Variants in MINDY4B observed in about 807,000 individuals in gnomAD.
MINDY4B encodes MINDY family member 4B.
A neutral mutation model predicts 16.7 loss-of-function variants in MINDY4B; 25 were observed. That is an observed-to-expected ratio of 1.49 (90% confidence interval 1.09 to 2.09). The LOEUF is 2.09. Among genes scored for constraint, MINDY4B ranks in the 30% most tolerant of loss-of-function variants. The probability of loss-of-function intolerance (pLI) is 0.00; values close to 1 mark genes in which losing one functional copy is unlikely to be tolerated. For synonymous variants in MINDY4B, 132 were observed against 61.9 expected (o/e 2.13, Z -5.32); for missense variants, 327 against 168.4 (o/e 1.94, Z -5.21).
chr3:150,882,395 T>C (rs974079726), intron 10 of MINDY4B, among the ~76,000 whole-genome samples: 1 of 152,126 alleles, frequency 6.6e-6, no homozygotes, highest in Non-Finnish European at 1.5e-5. Flanking sequence ...GCCCCCTTTT[T>C]TTTCCAGTGG....
rs138021793 is a variant in MINDY4B, at chr3:150,901,813, G to T, written c.309+1436C>A. ...TGGGATTCCAGATGTGAGCCACCAT[G>T]CCCGGCCAAGGCAGATAGATTTTCG... is the stretch of plus-strand genomic sequence containing the variant. On this transcript the variant is annotated intron_variant, in intron 3 of 11. Coordinates refer to ENST00000465419, the MANE Select transcript of MINDY4B (RefSeq NM_001351281.2). Among the ~76,000 whole-genome samples, 72 of 152,256 alleles carry T rather than the reference G, an allele frequency of 4.7e-4. No individual in the cohort carries two copies. The East Asian group carries it at 0.012, about 25-fold the overall frequency.
intron 3 of MINDY4B, among the ~76,000 whole-genome samples, chr3:150,901,929 T>C (rs1354578220): frequency 6.6e-6 from 1 of 152,064 alleles, no homozygotes; most frequent in Non-Finnish European, 1.5e-5. Flanking sequence ...TGGGAGGTTT[T>C]GTATGATAAA....
chr3:150,882,872 T>C, intron 10 of MINDY4B, 25 bp downstream of exon 10: 1 of 681,052 alleles, frequency 1.5e-6, no homozygotes, highest in East Asian at 2.8e-5. Flanking sequence ...TCTGGTTGTG[T>C]GGTTGAGGAC....
At chr3:150,883,461 G>A (rs16862953) in intron 9 of MINDY4B, among the ~76,000 whole-genome samples, 8,760 of 152,040 alleles carry the variant, frequency 0.058, 838 homozygotes, top group African/African-American at 0.2. Context: ...AAAGGCTCTC[G>A]GAGGTAAACT....
At chr3:150,894,487 G>A (rs116583723) in intron 3 of MINDY4B, among the ~76,000 whole-genome samples, 182 bp from the exon 4 acceptor site, 2,785 of 152,240 alleles carry the variant, frequency 0.018, 79 homozygotes, top group African/African-American at 0.064. Flanking sequence ...TCTAGACAAC[G>A]TTTGTCCCTC....
At chr3:150,883,126 T>C in intron 9 of MINDY4B, 68 bp from the exon 10 acceptor site, 1 of 545,288 alleles carries the variant, frequency 1.8e-6, no homozygotes, top group Non-Finnish European at 3.3e-6. Context: ...ATTTTTTCTC[T>C]TAAAAATCAT....
chr3:150,900,387 A>C lies in MINDY4B; in HGVS notation c.309+2862T>G, dbSNP rs115207603. 3.3e-3 allele frequency among the ~76,000 whole-genome samples: 508 copies of C among 152,366 alleles called. 4 individuals carry two copies. The highest frequency in any genetic ancestry group is 0.012 in the African/African-American group (482 of 41,580). Reference sequence around the variant, plus strand: ...ATCCAAACAGAGAAGAGAAAAGAATAGCAGAATGACAACAAAAGGATTTCT... The same window carrying C: ...ATCCAAACAGAGAAGAGAAAAGAATCGCAGAATGACAACAAAAGGATTTCT... On this transcript the variant is annotated intron_variant, in intron 3 of 11. Coordinates refer to ENST00000465419, the MANE Select transcript of MINDY4B (RefSeq NM_001351281.2).
chr3:150,889,165 T>A (rs1711703590), intron 7 of MINDY4B, among the ~76,000 whole-genome samples: 1 of 152,252 alleles, frequency 6.6e-6, no homozygotes, highest in Admixed American at 6.5e-5. Flanking sequence ...AGATTTATGA[T>A]CTTACAGTTC....
At chr3:150,896,645 C>T (rs1224430667) in intron 3 of MINDY4B, among the ~76,000 whole-genome samples, 1 of 152,196 alleles carries the variant, frequency 6.6e-6, no homozygotes, top group Non-Finnish European at 1.5e-5. Flanking sequence ...ATTGTTATCT[C>T]TCTTCTGGAT....
chr3:150,886,563 G>A (rs187751539), intron 7 of MINDY4B, among the ~76,000 whole-genome samples: 14 of 152,302 alleles, frequency 9.2e-5, no homozygotes, highest in African/African-American at 1.4e-4. Flanking sequence ...TTATCTCACC[G>A]TTCTGGAGGT....
chr3:150,893,703 G>C lies in MINDY4B; in HGVS notation c.430-288C>G, dbSNP rs562645060. On this transcript the variant is annotated intron_variant, in intron 4 of 11. Transcript: ENST00000465419. ...TTCATAGTAGTTTTTTTTTGGGGGG[G>C]GGGGTGGGGTGCAGTCTTGCTCTGT... is the stretch of plus-strand genomic sequence containing the variant. Among the ~76,000 whole-genome samples, 15 of 93,898 alleles carry C rather than the reference G, an allele frequency of 1.6e-4. No homozygotes were observed. The South Asian group carries it at 2.6e-3, about 16-fold the overall frequency. The allele number at this position is 93,898 out of a possible 152,430, so 61.6% of individuals were successfully genotyped here.
chr3:150,900,788 T>G (rs17285010), intron 3 of MINDY4B, among the ~76,000 whole-genome samples: 2,542 of 152,328 alleles, frequency 0.017, 31 homozygotes, highest in Non-Finnish European at 0.024. Context: ...GCTTCATGTT[T>G]GTGTTTGTAG....
chr3:150,877,305 C>T (rs1248171991), intron 10 of MINDY4B, among the ~76,000 whole-genome samples: 1 of 152,106 alleles, frequency 6.6e-6, no homozygotes, highest in Non-Finnish European at 1.5e-5. Context: ...AGATTTGTTG[C>T]ACCTACCATA....
intron 3 of MINDY4B, among the ~76,000 whole-genome samples, chr3:150,895,496 C>T (rs1286598326): frequency 6.6e-6 from 1 of 152,156 alleles, no homozygotes; most frequent in African/African-American, 2.4e-5. Flanking sequence ...GACAGAGTCT[C>T]GCTCTGCTGC....
chr3:150,890,066 T>C (rs1711758401), intron 7 of MINDY4B, among the ~76,000 whole-genome samples: 1 of 152,208 alleles, frequency 6.6e-6, no homozygotes, highest in Non-Finnish European at 1.5e-5. Flanking sequence ...TACTCTCTAA[T>C]GGATTATTCT....
intron 3 of MINDY4B, among the ~76,000 whole-genome samples, chr3:150,895,744 C>T (rs1711945890): frequency 6.6e-6 from 1 of 152,160 alleles, no homozygotes; most frequent in Non-Finnish European, 1.5e-5. Context: ...GGATTACAGG[C>T]ATGAGCCACC....
Position 150,890,860 on chromosome 3 carries a change from G to A in MINDY4B, c.687+78C>T, listed in dbSNP as rs556806565. 1.6e-5 allele frequency: 11 copies of A among 668,216 alleles called. No individual in the cohort carries two copies. The African/African-American group carries it at 1.9e-4, about 12-fold the overall frequency. 41.4% of individuals were successfully genotyped at this position (668,216 alleles called of 1,614,324 possible). A position where few individuals can be genotyped will look rare whatever the true frequency, so the allele number is the denominator to read the frequency against. On this transcript the variant is annotated intron_variant, in intron 6 of 11. Transcript: ENST00000465419. ...CAGGAGCATGGATGGGGCCCCACCT[G>A]CATACACATGGTAAGTCTATTACAT...
At chr3:150,902,616 C>G (rs1464255531) in intron 3 of MINDY4B, among the ~76,000 whole-genome samples, 2 of 152,188 alleles carry the variant, frequency 1.3e-5, no homozygotes, top group African/African-American at 2.4e-5. Flanking sequence ...AATGAGATGC[C>G]TTTAGTTTTG....
chr3:150,891,442 C>T (rs879707528), intron 5 of MINDY4B, among the ~76,000 whole-genome samples: 5 of 152,202 alleles, frequency 3.3e-5, no homozygotes, highest in Non-Finnish European at 7.4e-5. Context: ...TTATACAATC[C>T]GTCTAGCTCT....
Sources: gnomAD v4.1 joint callset for allele counts (sites outside exome capture counted in the v4.1 genomes callset) on GRCh38, gnomAD v4.1.1 for gene constraint, MANE v1.5 for transcripts, NCBI Gene and HGNC (gene_info 2026-07-23, HGNC 2026-07-21) for gene names.